ANOS1: variants seen among roughly 807,000 people sequenced by gnomAD.
ANOS1 encodes anosmin 1.
A neutral mutation model predicts 59.0 loss-of-function variants in ANOS1; 6 were observed. The ratio of observed to expected loss-of-function variants is 0.10; its 90% CI spans 0.06 to 0.20. The LOEUF (loss-of-function observed/expected upper bound fraction) is 0.20. Ranked by LOEUF, ANOS1 falls within the 10% of genes least tolerant of loss-of-function variation. The probability of loss-of-function intolerance (pLI) is 1.00; values close to 1 mark genes in which losing one functional copy is unlikely to be tolerated. For synonymous variants in ANOS1, 217 were observed against 223.4 expected (o/e 0.97, Z 0.25); for missense variants, 433 against 542.3 (o/e 0.80, Z 2.00).
intron 1 of ANOS1, among the ~76,000 whole-genome samples, chrX:8,725,682 A>T (rs1166095450): frequency 2.2e-5 from 1 of 45,272 alleles, no homozygotes; most frequent in Non-Finnish European, 3.6e-5. Context: ...ATATATACAG[A>T]TATATATATA....
chrX:8,711,829 T>A (rs1932814587), intron 1 of ANOS1, among the ~76,000 whole-genome samples: 1 of 112,862 alleles, frequency 8.9e-6, no homozygotes, highest in African/African-American at 3.2e-5. Context: ...AATTTCTACA[T>A]TGTATGGTTG....
At chrX:8,713,898 C>A (rs368887670) in intron 1 of ANOS1, among the ~76,000 whole-genome samples, 1 of 112,028 alleles carries the variant, frequency 8.9e-6, no homozygotes, top group Admixed American at 9.5e-5. Context: ...CAGGCATGAG[C>A]CACCGTGTCC....
Position 8,720,556 on chromosome X carries a change from G to A in ANOS1, c.207+11274C>T, listed in dbSNP as rs764781436. On this transcript the variant is annotated intron_variant, in intron 1 of 13. Coordinates refer to ENST00000262648, the MANE Select transcript of ANOS1 (RefSeq NM_000216.4). ...TGGTTTTAATAGTTTCTTTCTTCAC[G>A]TCAACAACTTGCAGCAATTTTATTA... is the stretch of plus-strand genomic sequence containing the variant. Among the ~76,000 whole-genome samples, 3 of 111,546 alleles carry A rather than the reference G, an allele frequency of 2.7e-5. No homozygotes were observed. The East Asian group carries it at 8.4e-4, about 31-fold the overall frequency.
At chrX:8,721,509 C>T (rs1198142997) in intron 1 of ANOS1, among the ~76,000 whole-genome samples, 2 of 112,119 alleles carry the variant, frequency 1.8e-5, no homozygotes, top group Admixed American at 1.9e-4. Context: ...AAATGCAATG[C>T]TAAATGCCTT....
At chrX:8,593,998 G>A (rs1336198972) in intron 4 of ANOS1, among the ~76,000 whole-genome samples, 1 of 111,561 alleles carries the variant, frequency 9.0e-6, no homozygotes, top group Non-Finnish European at 1.9e-5. Flanking sequence ...TGCCCAGTGA[G>A]TGTTTCCATT....
At chrX:8,659,483 T>C (rs183283420) in intron 2 of ANOS1, among the ~76,000 whole-genome samples, 135 of 105,509 alleles carry the variant, frequency 1.3e-3, no homozygotes, top group African/African-American at 4.5e-3. Flanking sequence ...GCTTGCTCTC[T>C]TCCTTCCTTC....
intron 3 of ANOS1, among the ~76,000 whole-genome samples, chrX:8,619,098 A>G (rs868034537): frequency 0.049 from 4,114 of 84,510 alleles, 308 homozygotes; most frequent in African/African-American, 0.18. Flanking sequence ...AAAAAAAAAA[A>G]AAAGAAAGAA....
At chrX:8,676,767 A>T (rs1932343666) in intron 2 of ANOS1, among the ~76,000 whole-genome samples, 1 of 112,011 alleles carries the variant, frequency 8.9e-6, no homozygotes, top group Non-Finnish European at 1.9e-5. Flanking sequence ...CAGTGTTACA[A>T]AATTAAATGA....
At chrX:8,659,584 GCC>G (rs1931997800) in intron 2 of ANOS1, among the ~76,000 whole-genome samples, 9 of 57,688 alleles carry the variant, frequency 1.6e-4, no homozygotes, top group African/African-American at 9.4e-4. Context: ...TTGCTTGCTT[GCC>G]TTCCTTCCTT....
chrX:8,536,188 C>CTCTTTTTTTT (rs1929587933), intron 11 of ANOS1, among the ~76,000 whole-genome samples: 1 of 31,887 alleles, frequency 3.1e-5, no homozygotes, highest in Non-Finnish European at 5.6e-5. Context: ...AAATCCGAAG[C>CTCTTTTTTTT]TTTTTTTTTT....
chrX:8,564,805 G>A (rs1223202322), intron 8 of ANOS1, among the ~76,000 whole-genome samples: 1 of 111,104 alleles, frequency 9.0e-6, no homozygotes, highest in African/African-American at 3.3e-5. Context: ...ACTAGACTGT[G>A]TACTCCATGT....
intron 3 of ANOS1, among the ~76,000 whole-genome samples, chrX:8,607,882 G>C (rs1930970449): frequency 2.7e-5 from 3 of 111,702 alleles, no homozygotes; most frequent in African/African-American, 9.8e-5. Context: ...AGTTTAGTTT[G>C]CATTATAATA....
intron 2 of ANOS1, among the ~76,000 whole-genome samples, chrX:8,674,309 T>C (rs1414882345): frequency 8.9e-6 from 1 of 112,312 alleles, no homozygotes; most frequent in African/African-American, 3.2e-5. Context: ...GATAAATTCA[T>C]GTTTTTTAGA....
intron 11 of ANOS1, 29 bp downstream of exon 11, chrX:8,536,742 A>T (rs1929601134): frequency 8.6e-7 from 1 of 1,162,108 alleles, no homozygotes; most frequent in Admixed American, 2.2e-5. Flanking sequence ...GTAGACCTAG[A>T]TGTAGAAGTC....
At chrX:8,719,450 G>A (rs1172481768) in intron 1 of ANOS1, among the ~76,000 whole-genome samples, 3 of 111,824 alleles carry the variant, frequency 2.7e-5, no homozygotes, top group Non-Finnish European at 3.8e-5. Context: ...GCACAATCTC[G>A]GCTTACTGCA....
intron 2 of ANOS1, among the ~76,000 whole-genome samples, chrX:8,669,425 A>G (rs1443437780): frequency 9.0e-6 from 1 of 111,318 alleles, no homozygotes; most frequent in Non-Finnish European, 1.9e-5. Context: ...AGTTGTAACA[A>G]ATGTATCACA....
intron 1 of ANOS1, among the ~76,000 whole-genome samples, chrX:8,727,755 G>A (rs775760086): frequency 1.1e-4 from 12 of 112,316 alleles, no homozygotes; most frequent in African/African-American, 3.2e-4. Flanking sequence ...CAAAGCCTTG[G>A]GGGAGCCTTC....
chrX:8,540,788 T>C (rs1405663649), intron 9 of ANOS1, among the ~76,000 whole-genome samples: 1 of 109,757 alleles, frequency 9.1e-6, no homozygotes, highest in Non-Finnish European at 1.9e-5. Context: ...AGAAGAACTT[T>C]AAATCCGAGA....
chrX:8,597,100 C>G lies in ANOS1; in HGVS notation c.475G>C (p.Gly159Arg), dbSNP rs1930750797. The G allele has an allele frequency of 1.7e-6, 2 of 1,211,290 alleles. No individual in the cohort carries two copies. The highest frequency in any genetic ancestry group is 1.7e-5 in the African/African-American group (1 of 57,607). ...ESCEVDNECS[G>R]VKKCCSNGCG... is the part of the protein sequence containing the mutation. ...CCATTCGAACAACATTTCTTCACCCCAGAGCACTCATTGTCAACTTCGCAG... is the reference window on the plus strand; with the variant it reads ...CCATTCGAACAACATTTCTTCACCCGAGAGCACTCATTGTCAACTTCGCAG... Residue 159 changes from glycine (G) to arginine (R), a missense_variant, in exon 4 of 14, where the codon GGG becomes CGG. Transcript: ENST00000262648.
Sources: allele counts gnomAD v4.1 joint callset (sites outside exome capture counted in the v4.1 genomes callset), GRCh38; gene constraint gnomAD v4.1.1; transcripts MANE v1.5; gene names NCBI Gene and HGNC (gene_info 2026-07-23, HGNC 2026-07-21).